FREM2: variants seen among roughly 807,000 people sequenced by gnomAD.
FREM2 encodes the protein FRAS1-related extracellular matrix protein 2.
Under a neutral mutation model 219.9 loss-of-function variants are expected in FREM2, and 119 were observed. The observed-to-expected ratio is 0.54, with a 90% CI of 0.47 to 0.63. The LOEUF is 0.63. Among genes scored for constraint, FREM2 ranks in the 30% least tolerant of loss-of-function variants. The pLI is 0.00. For synonymous variants in FREM2, 1,562 were observed against 1,522.8 expected, an observed-to-expected ratio of 1.03 and a Z score of -0.60; for missense variants, 4,030 against 3,993.6, an observed-to-expected ratio of 1.01 and a Z score of -0.25.
intron 2 of FREM2, among the ~76,000 whole-genome samples, chr13:38,717,195 A>C (rs1871040084): frequency 6.6e-6 from 1 of 152,146 alleles, no homozygotes; most frequent in Non-Finnish European, 1.5e-5. Context: ...GGGGAACAAA[A>C]GGGAGATGGG....
chr13:38,816,286 A>T (rs1489598411), intron 6 of FREM2, among the ~76,000 whole-genome samples: 1 of 152,174 alleles, frequency 6.6e-6, no homozygotes, highest in Admixed American at 6.6e-5. Context: ...CAACAAAGAA[A>T]AACTACAGGT....
rs1878524725 is a variant in FREM2, at chr13:38,880,945, A to T, written c.*158A>T. Reference sequence around the variant, plus strand: ...TAATGGAGTTTGATTTGAATTCTCCATACTCTTTTTTGCATCAAAGGACAA... The same window carrying T: ...TAATGGAGTTTGATTTGAATTCTCCTTACTCTTTTTTGCATCAAAGGACAA... On this transcript the variant is annotated 3_prime_UTR_variant, in exon 24 of 24. Transcript: ENST00000280481. 1 of 931,408 alleles carries T rather than the reference A, an allele frequency of 1.1e-6. No individual in the cohort carries two copies. Among genetic ancestry groups the T allele is most frequent in the Non-Finnish European group, 1.7e-6 (1 of 603,716 alleles). 57.7% of individuals were successfully genotyped at this position (931,408 alleles called of 1,614,324 possible).
chr13:38,880,276 C>T lies in FREM2; in HGVS notation c.9007-8C>T, dbSNP rs374741888. 2.9e-5 allele frequency: 46 copies of T among 1,613,006 alleles called. No individual in the cohort carries two copies. The African/African-American group carries it at 6.0e-4, about 21-fold the overall frequency. ...GTATTTCCTAATAAATAGAGTTGTG[C>T]TTTCTAGGTCGCTCTAGGCCGAGAA... is the stretch of plus-strand genomic sequence containing the variant. On this transcript the variant is annotated splice_region_variant and splice_polypyrimidine_tract_variant and intron_variant, in intron 23 of 23. Transcript: ENST00000280481.
chr13:38,784,690 T>A lies in FREM2; in HGVS notation c.5901T>A (p.Asp1967Glu). ...REKLCRIVII[D>E]DSLYEEEETF... ...AACTGTGTCGGATAGTCATAATTGATGACTCTTTGTACGAGGAGGAGGAAA... is the reference window on the plus strand; with the variant it reads ...AACTGTGTCGGATAGTCATAATTGAAGACTCTTTGTACGAGGAGGAGGAAA... The change falls in exon 6 of 24, where the codon GAT becomes GAA. Residue 1967 changes from aspartate (D) to glutamate (E), a missense_variant. Physicochemically the swap from Asp to Glu is conservative, Grantham distance 45 (BLOSUM62 2). This residue lies in a region of FREM2 where 3,102 missense variants were observed against 2,950.7 expected (regional missense o/e 1.05). Transcript: ENST00000280481. 1 of 1,614,172 alleles carries A rather than the reference T, an allele frequency of 6.2e-7. No individual in the cohort carries two copies. Among genetic ancestry groups the A allele is most frequent in the Non-Finnish European group, 8.5e-7 (1 of 1,180,010 alleles).
At chr13:38,754,886 G>GATTATTATT (rs1491523407) in intron 2 of FREM2, among the ~76,000 whole-genome samples, 56 of 82,880 alleles carry the variant, frequency 6.8e-4, no homozygotes, top group East Asian at 2.2e-3. Context: ...TGATGATGAT[G>GATTATTATT]ATGATGATGA....
intron 6 of FREM2, among the ~76,000 whole-genome samples, chr13:38,843,089 A>G (rs762306791): frequency 6.6e-6 from 1 of 152,186 alleles, no homozygotes; most frequent in Non-Finnish European, 1.5e-5. Context: ...CTGCTCACAG[A>G]CAATTTGGAT....
In FREM2 at chr13:38,864,401, A is replaced by G. The variant is rs1207565445; in HGVS notation, c.7778A>G (p.Tyr2593Cys). 2 of 1,614,130 alleles carry G rather than the reference A, an allele frequency of 1.2e-6. No homozygotes were observed. The highest frequency in any genetic ancestry group is 1.7e-6 in the Non-Finnish European group (2 of 1,179,978). The change falls in exon 16 of 24, where the codon TAT (tyrosine) becomes TGT (cysteine). Residue 2593 changes from tyrosine to cysteine, a missense_variant. Physicochemically the swap from Tyr to Cys is radical, Grantham distance 194. Transcript: ENST00000280481. ...GATTATACTGAAGTGAAGACTCATT[A>G]TGGTTTCTTGACTGATGCTACCAAA... is the stretch of plus-strand genomic sequence containing the variant. ...LLDYTEVKTH[Y>C]GFLTDATKNP...
chr13:38,687,402 T>G lies in FREM2; in HGVS notation c.58T>G (p.Phe20Val). ...SSRRTGNSTSFQPGPPPPPRL... is the reference protein window; with the variant it reads ...SSRRTGNSTSVQPGPPPPPRL... The stretch of plus-strand genomic sequence containing the variant: ...GCGCCGGACAGGCAACTCCACCAGC[T>G]TTCAACCAGGACCGCCACCGCCGCC... The change falls in exon 1 of 24, where the codon TTT becomes GTT. Residue 20 changes from phenylalanine to valine, a missense_variant. This residue lies in a region of FREM2 where 3,102 missense variants were observed against 2,950.7 expected (regional missense o/e 1.05). Coordinates refer to ENST00000280481, the MANE Select transcript of FREM2 (RefSeq NM_207361.6). The G allele has an allele frequency of 6.2e-7, 1 of 1,608,776 alleles. No individual in the cohort carries two copies. Among genetic ancestry groups the G allele is most frequent in the East Asian group, 2.2e-5 (1 of 44,662 alleles).
At chr13:38,696,885 G>A (rs1354555544) in intron 1 of FREM2, among the ~76,000 whole-genome samples, 1 of 150,196 alleles carries the variant, frequency 6.7e-6, no homozygotes, top group Non-Finnish European at 1.5e-5. Flanking sequence ...TCAGCTCACT[G>A]CAACCTTTGC....
At chr13:38,880,246 A>G in intron 23 of FREM2, 38 bp from the exon 24 acceptor site, 2 of 1,597,384 alleles carry the variant, frequency 1.3e-6, no homozygotes, top group Non-Finnish European at 1.7e-6. Flanking sequence ...TTGACATGGT[A>G]TCTAGTATTT....
At chr13:38,734,760 T>TC (rs1239863924) in intron 2 of FREM2, among the ~76,000 whole-genome samples, 2 of 148,330 alleles carry the variant, frequency 1.3e-5, no homozygotes, top group South Asian at 2.1e-4. Context: ...TTTTTTTTTT[T>TC]TTCTGAAACA....
In FREM2 at chr13:38,691,323, T is replaced by A. The variant is rs116653247; in HGVS notation, c.3979T>A (p.Leu1327Ile). The change falls in exon 1 of 24, where the codon TTA becomes ATA. Residue 1327 changes from leucine to isoleucine, a missense_variant. Leu to Ile is a conservative substitution (Grantham distance 5). This residue lies in a region of FREM2 where 3,102 missense variants were observed against 2,950.7 expected (regional missense o/e 1.05). Transcript: ENST00000280481. ...TACCAAGATTATCAACAACAAAATATTAATGGCAACAGATTTAGATTCAGA... is the reference window on the plus strand; with the variant it reads ...TACCAAGATTATCAACAACAAAATAATAATGGCAACAGATTTAGATTCAGA... ...GDTKIINNKI[L>I]MATDLDSEDK... The A allele has an allele frequency of 6.3e-4, 1,019 of 1,614,042 alleles. 5 individuals are homozygous for A. In the African/African-American group the frequency reaches 0.012, roughly 19 times the overall value.
chr13:38,797,114 C>G (rs972715437), intron 6 of FREM2, among the ~76,000 whole-genome samples: 5 of 133,088 alleles, frequency 3.8e-5, no homozygotes, highest in Non-Finnish European at 6.6e-5. Context: ...CTGACTCAAG[C>G]AATCCTCCCA....
chr13:38,742,816 C>G (rs1872303164), intron 2 of FREM2, among the ~76,000 whole-genome samples: 1 of 152,100 alleles, frequency 6.6e-6, no homozygotes. Flanking sequence ...TAACTTGGTT[C>G]CCTATATTCT....
At chr13:38,770,738 A>G (rs1217507436) in intron 4 of FREM2, among the ~76,000 whole-genome samples, 1 of 138,348 alleles carries the variant, frequency 7.2e-6, no homozygotes, top group Non-Finnish European at 1.5e-5. Flanking sequence ...TTTCTTGTCA[A>G]TGCACACCTT....
intron 6 of FREM2, among the ~76,000 whole-genome samples, chr13:38,805,228 C>T (rs9603433): frequency 1.3e-5 from 2 of 150,080 alleles, no homozygotes; most frequent in South Asian, 2.1e-4. Flanking sequence ...TAGCAGTGTA[C>T]GTGAAAAGAA....
At chr13:38,779,199 G>C (rs988403383) in intron 4 of FREM2, among the ~76,000 whole-genome samples, 1 of 151,976 alleles carries the variant, frequency 6.6e-6, no homozygotes, top group East Asian at 1.9e-4. Context: ...GACACAGGGA[G>C]GGGAACAACA....
chr13:38,716,035 A>G (rs1311620593), intron 2 of FREM2, among the ~76,000 whole-genome samples: 2 of 152,186 alleles, frequency 1.3e-5, no homozygotes. Context: ...AGTATAAGCA[A>G]GAAGGCAAAT....
chr13:38,877,018 T>C (rs1298772492), intron 20 of FREM2, 99 bp from the exon 21 acceptor site: 8 of 1,322,298 alleles, frequency 6.1e-6, no homozygotes, highest in South Asian at 5.9e-5. Flanking sequence ...CAGTGTTTAG[T>C]GTTCTACAGT....
Sources: allele counts gnomAD v4.1 joint callset (sites outside exome capture counted in the v4.1 genomes callset), GRCh38; gene constraint gnomAD v4.1.1; regional missense constraint gnomAD v4.1.1; transcripts MANE v1.5; gene names NCBI Gene and HGNC (gene_info 2026-07-23, HGNC 2026-07-21).